The following TGFB2 variants were observed in gnomAD, a reference collection of about 807,000 sequenced individuals.
TGFB2 encodes the protein transforming growth factor beta 2.
Under a neutral mutation model 42.7 loss-of-function variants are expected in TGFB2, and 13 were observed. The observed-to-expected ratio is 0.30, with a 90% CI of 0.20 to 0.48. TGFB2 has a LOEUF of 0.48. TGFB2 is among the 20% of genes least tolerant of loss of function. The pLI is 0.99. For synonymous variants in TGFB2, 193 were observed against 193.6 expected, an observed-to-expected ratio of 1.00 and a Z score of 0.03; for missense variants, 390 against 517.5, an observed-to-expected ratio of 0.75 and a Z score of 2.39.
At chr1:218,412,319 G>A (rs553882776) in intron 2 of TGFB2, among the ~76,000 whole-genome samples, 1 of 152,304 alleles carries the variant, frequency 6.6e-6, no homozygotes, top group African/African-American at 2.4e-5. Context: ...TTGCCATCTT[G>A]GTTGGGCTCC....
intron 2 of TGFB2, 47 bp downstream of exon 2, chr1:218,405,379 G>T: frequency 6.2e-7 from 1 of 1,604,552 alleles, no homozygotes. Context: ...TGTTGTTTTA[G>T]ACAGACTCTC....
chr1:218,405,467 C>T (rs538914468), intron 2 of TGFB2, 135 bp downstream of exon 2: 25 of 1,464,174 alleles, frequency 1.7e-5, no homozygotes, highest in African/African-American at 8.4e-5. Flanking sequence ...TGGGTTCAAA[C>T]GATCCGCTTG....
intron 1 of TGFB2, among the ~76,000 whole-genome samples, chr1:218,358,359 A>T (rs964870414): frequency 1.4e-4 from 22 of 152,184 alleles, no homozygotes; most frequent in African/African-American, 4.6e-4. Flanking sequence ...GACCAAGTTT[A>T]TCAGGGATTT....
chr1:218,414,819 A>G (rs1659221710), intron 2 of TGFB2, among the ~76,000 whole-genome samples: 1 of 152,204 alleles, frequency 6.6e-6, no homozygotes, highest in Admixed American at 6.5e-5. Flanking sequence ...CTGTGTGCTA[A>G]GGTAGGTACT....
chr1:218,401,101 A>T (rs1404428230), intron 1 of TGFB2, among the ~76,000 whole-genome samples: 1 of 152,066 alleles, frequency 6.6e-6, no homozygotes, highest in Admixed American at 6.6e-5. Flanking sequence ...CTTTCTGAGG[A>T]TGGAGACCCT....
chr1:218,358,772 G>C (rs1341382340), intron 1 of TGFB2, among the ~76,000 whole-genome samples: 1 of 152,028 alleles, frequency 6.6e-6, no homozygotes, highest in Non-Finnish European at 1.5e-5. Flanking sequence ...TCAGTCTCCT[G>C]ACCTCATGAT....
chr1:218,425,115 T>C (rs751400705), intron 2 of TGFB2, among the ~76,000 whole-genome samples: 23 of 152,238 alleles, frequency 1.5e-4, no homozygotes, highest in Non-Finnish European at 2.4e-4. Flanking sequence ...CCACTGGTAT[T>C]AAGAGGGAAA....
At chr1:218,376,167 TAA>T (rs1657735080) in intron 1 of TGFB2, among the ~76,000 whole-genome samples, 2 of 152,308 alleles carry the variant, frequency 1.3e-5, no homozygotes, top group South Asian at 4.2e-4. Flanking sequence ...CATCTCCCGT[TAA>T]GTGTTCTTAC....
At position 218,346,073 on chromosome 1, in the gene TGFB2, C is replaced by T. The variant is rs1264646600; in HGVS notation, c.-629C>T. 6.6e-6 allele frequency among the ~76,000 whole-genome samples: 1 copy of T among 151,916 alleles called. No individual in the cohort carries two copies. The highest frequency in any genetic ancestry group is 1.5e-5 in the Non-Finnish European group (1 of 67,978). ...GCGCACACGCACACACACACACACA[C>T]ACACACACGCACGCACACACGTGTG... On this transcript the variant is annotated 5_prime_UTR_variant, in exon 1 of 7. Transcript: ENST00000366930. This position sits in a 1 kb window ranked among gnomAD's most constrained non-coding sequence, Gnocchi z 4.9.
At chr1:218,440,161 A>G (rs1660105812) in intron 6 of TGFB2, among the ~76,000 whole-genome samples, 1 of 152,156 alleles carries the variant, frequency 6.6e-6, no homozygotes, top group Non-Finnish European at 1.5e-5. Flanking sequence ...TAACTCCTCC[A>G]ACTCAGCAAC....
chr1:218,433,702 C>T (rs1659880110), intron 2 of TGFB2, among the ~76,000 whole-genome samples: 1 of 152,090 alleles, frequency 6.6e-6, no homozygotes, highest in Non-Finnish European at 1.5e-5. Flanking sequence ...CTTCCTGTAC[C>T]CCAACTCCCC....
chr1:218,387,351 G>A (rs1658171262), intron 1 of TGFB2, among the ~76,000 whole-genome samples: 2 of 152,160 alleles, frequency 1.3e-5, no homozygotes, highest in South Asian at 4.1e-4. Context: ...TGGGATATCT[G>A]AAATGTATCA....
At position 218,434,317 on chromosome 1, in the gene TGFB2, C is replaced by A. The variant is rs770038112; in HGVS notation, c.644-21C>A. ...GTATAGACACACATACAAATGACCTCCTTGACTTAATGTTTTCCAGACAGG... is the reference window on the plus strand; with the variant it reads ...GTATAGACACACATACAAATGACCTACTTGACTTAATGTTTTCCAGACAGG... On this transcript the variant is annotated intron_variant, in intron 3 of 6. Coordinates refer to ENST00000366930, the MANE Select transcript of TGFB2 (RefSeq NM_003238.6). 3.7e-6 allele frequency: 6 copies of A among 1,612,718 alleles called. No homozygotes were observed. The Admixed American group carries it at 1.0e-4, about 27-fold the overall frequency.
chr1:218,388,630 C>T (rs925825508), intron 1 of TGFB2, among the ~76,000 whole-genome samples: 9 of 152,066 alleles, frequency 5.9e-5, no homozygotes, highest in South Asian at 2.1e-4. Flanking sequence ...AGAAGGTCAC[C>T]GTATGTCGGG....
At chr1:218,377,733 G>A (rs1286471038) in intron 1 of TGFB2, among the ~76,000 whole-genome samples, 1 of 151,888 alleles carries the variant, frequency 6.6e-6, no homozygotes, top group African/African-American at 2.4e-5. Flanking sequence ...GGTAGCTGTG[G>A]CTGGGGAGAA....
Position 218,437,430 on chromosome 1 carries a change from G to T in TGFB2, c.1020G>T (p.Gly340=). 6.2e-7 allele frequency: 1 copy of T among 1,613,456 alleles called. No homozygotes were observed. ...GGAAATGGATACACGAACCCAAAGG[G>T]TACAATGCCAACTTCTGTGCTGGAG... ...LGWKWIHEPK[G]YNANFCAGAC... is the part of the protein sequence containing the mutation. Residue 340 remains glycine (G), a synonymous_variant, in exon 6 of 7, where the codon GGG becomes GGT. Coordinates refer to ENST00000366930, the MANE Select transcript of TGFB2 (RefSeq NM_003238.6).
rs899952207 is a variant in TGFB2 at position 218,403,211 on chromosome 1, TTTTG to T, written c.347-1942_347-1939del. ...GGATACTTTGGATTTTTTGGGGTTT[TTTTG>T]TTTGTTTGTTTGTTTCTGAGACTTC... On this transcript the variant is annotated intron_variant, in intron 1 of 6. Coordinates refer to ENST00000366930, the MANE Select transcript of TGFB2 (RefSeq NM_003238.6). 3.9e-5 allele frequency among the ~76,000 whole-genome samples: 6 copies of T among 152,170 alleles called. No individual in the cohort carries two copies. In the East Asian group the frequency reaches 5.8e-4, roughly 15 times the overall value.
chr1:218,381,938 A>G (rs1657976427), intron 1 of TGFB2, among the ~76,000 whole-genome samples: 1 of 152,190 alleles, frequency 6.6e-6, no homozygotes, highest in African/African-American at 2.4e-5. Context: ...AGTAGTTGCC[A>G]GAGAAGCACA....
chr1:218,352,392 T>A lies in TGFB2; in HGVS notation c.346+5345T>A, dbSNP rs114510776. On this transcript the variant is annotated intron_variant, in intron 1 of 6. Coordinates refer to ENST00000366930, the MANE Select transcript of TGFB2 (RefSeq NM_003238.6). ...CTGCCCGAGATAAACAAATGCCCATTGTCATTTTGAAGGCATATGTGTGCT... is the reference window on the plus strand; with the variant it reads ...CTGCCCGAGATAAACAAATGCCCATAGTCATTTTGAAGGCATATGTGTGCT... Among the ~76,000 whole-genome samples the A allele has an allele frequency of 5.1e-3, 776 of 152,330 alleles. 7 individuals carry two copies. Among genetic ancestry groups the A allele is most frequent in the African/African-American group, 0.017 (701 of 41,574 alleles).
Sources: gnomAD v4.1 joint callset for allele counts (sites outside exome capture counted in the v4.1 genomes callset) on GRCh38, gnomAD v4.1.1 for gene constraint, Gnocchi (gnomAD v3.1) non-coding constraint, MANE v1.5 for transcripts, NCBI Gene and HGNC (gene_info 2026-07-23, HGNC 2026-07-21) for gene names.